CD163L1: variants seen among roughly 807,000 people sequenced by gnomAD.
The protein encoded by CD163L1 is scavenger receptor cysteine-rich type 1 protein M160.
CD163L1 carries 124 observed loss-of-function variants against 165.4 expected under a neutral mutation model. That is an observed-to-expected ratio of 0.75 (90% CI 0.65 to 0.87). The LOEUF (loss-of-function observed/expected upper bound fraction) is 0.87, where lower values mean the gene tolerates loss of function less well. Among genes scored for constraint, CD163L1 ranks in the 40% least tolerant of loss-of-function variants. The pLI is 0.00. For synonymous variants in CD163L1, 585 were observed against 662.2 expected, an observed-to-expected ratio of 0.88 and a Z score of 1.79; for missense variants, 1,525 against 1,799.9, an observed-to-expected ratio of 0.85 and a Z score of 2.76.
At chr12:7,417,031 T>G (rs1948256406) in intron 4 of CD163L1, among the ~76,000 whole-genome samples, 2 of 152,194 alleles carry the variant, frequency 1.3e-5, no homozygotes, top group Non-Finnish European at 1.5e-5. Context: ...TTCATGATAT[T>G]GATCCTCCCT....
chr12:7,376,805 T>C lies in CD163L1; in HGVS notation c.2372-791A>G, dbSNP rs763263493. Among the ~76,000 whole-genome samples the C allele has an allele frequency of 8.5e-5, 13 of 152,338 alleles. No homozygotes were observed. The South Asian group carries it at 1.7e-3, about 19-fold the overall frequency. ...CACCCCTTCAACCCTAGCGCCTTGA[T>C]TGAGCCACCATCATTACTTGCCTGA... is the stretch of plus-strand genomic sequence containing the variant. On this transcript the variant is annotated intron_variant, in intron 9 of 19. Coordinates refer to ENST00000313599, the MANE Select transcript of CD163L1 (RefSeq NM_174941.6).
At chr12:7,394,736 C>G (rs770148720) in intron 8 of CD163L1, among the ~76,000 whole-genome samples, 2 of 152,154 alleles carry the variant, frequency 1.3e-5, no homozygotes, top group Non-Finnish European at 2.9e-5. Flanking sequence ...AGAACTTAAA[C>G]AAATTTACAA....
In CD163L1 at chr12:7,432,406, G is replaced by A. The variant is rs370737476; in HGVS notation, c.766+10C>T. 1.5e-4 allele frequency: 235 copies of A among 1,588,414 alleles called. No individual in the cohort carries two copies. The African/African-American group carries it at 1.5e-3, about 10-fold the overall frequency. On this transcript the variant is annotated intron_variant, in intron 4 of 19. Transcript: ENST00000313599. This position sits in a 1 kb window ranked among gnomAD's most constrained non-coding sequence, Gnocchi z 4.2. The stretch of plus-strand genomic sequence containing the variant: ...GTTCCTTTCTTCTACATGATGTCTT[G>A]GGTTCTTACCATAACAAGTTAATGT...
chr12:7,410,949 A>C (rs1229880371), intron 4 of CD163L1, among the ~76,000 whole-genome samples: 1 of 151,290 alleles, frequency 6.6e-6, no homozygotes, highest in South Asian at 2.1e-4. Flanking sequence ...CATAAACTAC[A>C]AGTGCAGGAA....
intron 2 of CD163L1, chr12:7,439,346 C>A: frequency 6.3e-7 from 1 of 1,594,286 alleles, no homozygotes; most frequent in Non-Finnish European, 8.5e-7. Context: ...CTTTTTTGGG[C>A]TTTTTGGACT....
chr12:7,319,698 G>A, the CD163L1 span, among the ~76,000 whole-genome samples: 1 of 152,024 alleles, frequency 6.6e-6, no homozygotes, highest in South Asian at 2.1e-4. Flanking sequence ...ACAGAAACCA[G>A]TCTGTCCTTT....
At chr12:7,367,801 C>T (rs770092407) in intron 17 of CD163L1, among the ~76,000 whole-genome samples, 2 of 152,314 alleles carry the variant, frequency 1.3e-5, no homozygotes, top group Non-Finnish European at 2.9e-5. Flanking sequence ...AGATTCTGAA[C>T]CAAAACATAC....
intron 4 of CD163L1, among the ~76,000 whole-genome samples, chr12:7,428,630 T>C (rs1466234530): frequency 1.3e-5 from 2 of 152,082 alleles, no homozygotes; most frequent in East Asian, 3.9e-4. Context: ...CCCATTCAGC[T>C]GTACTGTATC....
rs1055787944 is a variant in CD163L1 at position 7,368,334 on chromosome 12, G to A, written c.4073-137C>T. The A allele has an allele frequency of 2.1e-5, 11 of 512,428 alleles. No individual in the cohort carries two copies. The highest frequency in any genetic ancestry group is 3.5e-5 in the Admixed American group (1 of 28,516). 31.7% of individuals were successfully genotyped at this position (512,428 alleles called of 1,614,324 possible). A position where few individuals can be genotyped will look rare whatever the true frequency, so the allele number is the denominator to read the frequency against. Reference sequence around the variant, plus strand: ...ATTTCAACATATTCATGAACAGTACGTAATCTTTGAGAGCTATTTTAGATG... The same window carrying A: ...ATTTCAACATATTCATGAACAGTACATAATCTTTGAGAGCTATTTTAGATG... On this transcript the variant is annotated intron_variant, in intron 16 of 19. Coordinates refer to ENST00000313599, the MANE Select transcript of CD163L1 (RefSeq NM_174941.6). This position sits in a 1 kb window ranked among gnomAD's most constrained non-coding sequence, Gnocchi z 4.3.
chr12:7,321,695 G>A, the CD163L1 span, among the ~76,000 whole-genome samples: 1 of 152,220 alleles, frequency 6.6e-6, no homozygotes, highest in Non-Finnish European at 1.5e-5. Flanking sequence ...GGCTGTTCCA[G>A]GCTTTCTCAC....
Position 7,421,499 on chromosome 12 carries a change from G to GTACATATATACATATATGTACATA in CD163L1, c.766+10916_766+10917insTATGTACATATATGTATATATGTA, listed in dbSNP as rs1565810265. Among the ~76,000 whole-genome samples the GTACATATATACATATATGTACATA allele has an allele frequency of 6.8e-5, 6 of 88,534 alleles. 1 individual carries two copies. The highest frequency in any genetic ancestry group is 4.2e-4 in the African/African-American group (6 of 14,330). 58.1% of individuals were successfully genotyped at this position (88,534 alleles called of 152,430 possible). ...CATATATGTACATATATACATATAT[G>GTACATATATACATATATGTACATA]TACATATACATATACATATATGTAC... On this transcript the variant is annotated intron_variant, in intron 4 of 19. Coordinates refer to ENST00000313599, the MANE Select transcript of CD163L1 (RefSeq NM_174941.6).
At position 7,368,758 on chromosome 12, in the gene CD163L1, G is replaced by A. The variant is rs1190118622; in HGVS notation, c.4072+175C>T. Reference sequence around the variant, plus strand: ...CATGTAAAAAGGATTTTTCTAGAGAGAAGGACTGCATAGCAAAGCAGTCAC... The same window carrying A: ...CATGTAAAAAGGATTTTTCTAGAGAAAAGGACTGCATAGCAAAGCAGTCAC... On this transcript the variant is annotated intron_variant, in intron 16 of 19. Transcript: ENST00000313599. This position sits in a 1 kb window ranked among gnomAD's most constrained non-coding sequence, Gnocchi z 4.3. 6.1e-6 allele frequency: 4 copies of A among 655,704 alleles called. No individual in the cohort carries two copies. The highest frequency in any genetic ancestry group is 1.1e-5 in the Non-Finnish European group (4 of 370,202). The allele number at this position is 655,704 out of a possible 1,614,324, so 40.6% of individuals were successfully genotyped here.
At chr12:7,424,935 C>T (rs1413179367) in intron 4 of CD163L1, among the ~76,000 whole-genome samples, 1 of 152,036 alleles carries the variant, frequency 6.6e-6, no homozygotes, top group Non-Finnish European at 1.5e-5. Context: ...GATTCAATGC[C>T]ATTCCTATCA....
At chr12:7,332,550 A>T in the CD163L1 span, among the ~76,000 whole-genome samples, 1 of 152,396 alleles carries the variant, frequency 6.6e-6, no homozygotes, top group East Asian at 1.9e-4. Flanking sequence ...CAGGTTACCC[A>T]CAAAGGGAAG....
intron 8 of CD163L1, among the ~76,000 whole-genome samples, chr12:7,385,074 A>G (rs568883838): frequency 6.6e-5 from 10 of 152,204 alleles, no homozygotes; most frequent in African/African-American, 2.4e-4. Context: ...ATTAAAAAAA[A>G]CAATGACCCA....
chr12:7,389,111 GTA>G (rs1947587719), intron 8 of CD163L1, among the ~76,000 whole-genome samples: 1 of 152,176 alleles, frequency 6.6e-6, no homozygotes, highest in Non-Finnish European at 1.5e-5. Context: ...CTTTTTGGGG[GTA>G]TATACCCAGC....
intron 4 of CD163L1, among the ~76,000 whole-genome samples, chr12:7,409,602 C>T (rs750445342): frequency 3.3e-5 from 5 of 152,108 alleles, no homozygotes; most frequent in South Asian, 4.1e-4. Flanking sequence ...CTCTCTTGCC[C>T]GCCTCTCACC....
At chr12:7,420,957 C>G (rs1228049267) in intron 4 of CD163L1, among the ~76,000 whole-genome samples, 1 of 129,504 alleles carries the variant, frequency 7.7e-6, no homozygotes, top group Non-Finnish European at 1.6e-5. Context: ...AAATGCCCAT[C>G]AATCAATGAC....
At chr12:7,360,157 T>G (rs1327234650) in intron 18 of CD163L1, among the ~76,000 whole-genome samples, 1 of 152,120 alleles carries the variant, frequency 6.6e-6, no homozygotes, top group East Asian at 1.9e-4. Context: ...TTTTTTTTCT[T>G]TTCAGATGGA....
Sources: allele counts gnomAD v4.1 joint callset (sites outside exome capture counted in the v4.1 genomes callset), GRCh38; gene constraint gnomAD v4.1.1; non-coding constraint Gnocchi (gnomAD v3.1); transcripts MANE v1.5; gene names NCBI Gene and HGNC (gene_info 2026-07-23, HGNC 2026-07-21).